Variants in DCC observed in about 807,000 individuals in gnomAD.
DCC encodes the protein netrin receptor DCC.
In DCC, 58 loss-of-function variants were observed where a neutral mutation model predicts 172.5. The ratio of observed to expected loss-of-function variants is 0.34; its 90% CI spans 0.27 to 0.42. The LOEUF is 0.42. DCC is among the 10% of genes least tolerant of loss of function. The probability of loss-of-function intolerance (pLI) is 1.00; values close to 1 mark genes in which losing one functional copy is unlikely to be tolerated. For synonymous variants in DCC, 709 were observed against 644.5 expected, an observed-to-expected ratio of 1.10 and a Z score of -1.52; for missense variants, 1,740 against 1,791.0, an observed-to-expected ratio of 0.97 and a Z score of 0.51.
rs543078607 is a variant in DCC at position 53,104,115 on chromosome 18, G to A, written c.1261+37949G>A. On this transcript the variant is annotated intron_variant, in intron 7 of 28. Transcript: ENST00000442544. ...AATACTGATTTTCCTCTTGCTGCAG[G>A]CTTCAGTGTGGTGCAGCATGGCAGT... Among the ~76,000 whole-genome samples, 3 of 152,088 alleles carry A rather than the reference G, an allele frequency of 2.0e-5. No homozygotes were observed. The South Asian group carries it at 6.2e-4, about 32-fold the overall frequency.
intron 8 of DCC, 137 bp downstream of exon 8, chr18:53,157,649 C>G: frequency 2.4e-6 from 2 of 850,174 alleles, no homozygotes; most frequent in Non-Finnish European, 3.8e-6. Flanking sequence ...TCACTCATTC[C>G]CCAGTGGAGA....
intron 7 of DCC, among the ~76,000 whole-genome samples, chr18:53,080,928 T>C (rs1568290566): frequency 1.3e-5 from 2 of 152,028 alleles, no homozygotes; most frequent in African/African-American, 4.8e-5. Flanking sequence ...GATGGGATGA[T>C]TCCTCCTTGC....
At position 53,152,505 on chromosome 18, in the gene DCC, C is replaced by T. The variant is rs1175926951; in HGVS notation, c.1262-4851C>T. Among the ~76,000 whole-genome samples, 6 of 152,134 alleles carry T rather than the reference C, an allele frequency of 3.9e-5. No homozygotes were observed. In the Middle Eastern group the frequency reaches 0.01, roughly 259 times the overall value. The stretch of plus-strand genomic sequence containing the variant: ...TGGCTTCAAAACTATGAATATTTGG[C>T]TTTTCGTTATCTATAAAAATTATCA... On this transcript the variant is annotated intron_variant, in intron 7 of 28. Coordinates refer to ENST00000442544, the MANE Select transcript of DCC (RefSeq NM_005215.4).
chr18:53,179,597 TGA>T (rs1382860897), intron 9 of DCC, among the ~76,000 whole-genome samples: 2 of 152,192 alleles, frequency 1.3e-5, no homozygotes, highest in African/African-American at 4.8e-5. Context: ...TTGAGGAATA[TGA>T]GAGATAACCT....
chr18:52,433,474 T>A (rs1378136540), intron 1 of DCC, among the ~76,000 whole-genome samples: 1 of 152,132 alleles, frequency 6.6e-6, no homozygotes, highest in Non-Finnish European at 1.5e-5. Context: ...TTATAATACA[T>A]CAAGTCCAAT....
chr18:53,145,996 G>T (rs1401139920), intron 7 of DCC, among the ~76,000 whole-genome samples: 3 of 152,136 alleles, frequency 2.0e-5, no homozygotes, highest in Non-Finnish European at 4.4e-5. Context: ...CACTTTGGGA[G>T]GCTGAGATGG....
chr18:53,142,409 C>T (rs531462643), intron 7 of DCC, among the ~76,000 whole-genome samples: 33 of 152,284 alleles, frequency 2.2e-4, no homozygotes, highest in Admixed American at 1.4e-3. Flanking sequence ...TAAAACTTAA[C>T]ACTGTCGTTG....
chr18:53,417,122 C>A (rs988060494), intron 21 of DCC, among the ~76,000 whole-genome samples: 15 of 152,272 alleles, frequency 9.9e-5, no homozygotes, highest in Middle Eastern at 3.4e-3. Context: ...GGCACCATGT[C>A]GTGAGATTAG....
chr18:53,509,735 C>T (rs1346758363), intron 27 of DCC, among the ~76,000 whole-genome samples: 3 of 152,140 alleles, frequency 2.0e-5, no homozygotes, highest in African/African-American at 7.2e-5. Flanking sequence ...AGGTTAAGAA[C>T]CACTTGACCT....
intron 5 of DCC, among the ~76,000 whole-genome samples, chr18:53,046,390 T>C (rs1225845644): frequency 6.6e-6 from 1 of 151,772 alleles, no homozygotes; most frequent in Non-Finnish European, 1.5e-5. Context: ...ATCTATTCTT[T>C]CAAGATCAAC....
At chr18:52,627,150 C>A (rs1411217358) in intron 1 of DCC, among the ~76,000 whole-genome samples, 1 of 152,158 alleles carries the variant, frequency 6.6e-6, no homozygotes, top group African/African-American at 2.4e-5. Flanking sequence ...TCAAGTAGAG[C>A]CCCAGTTATT....
intron 2 of DCC, among the ~76,000 whole-genome samples, chr18:52,899,954 A>G (rs2145436502): frequency 6.6e-6 from 1 of 152,340 alleles, no homozygotes; most frequent in South Asian, 2.1e-4. Context: ...GCCATACACC[A>G]TGCTAAGTGC....
chr18:52,861,610 A>G (rs2039143400), intron 2 of DCC, among the ~76,000 whole-genome samples: 1 of 152,192 alleles, frequency 6.6e-6, no homozygotes, highest in South Asian at 2.1e-4. Flanking sequence ...ATAATTCTTG[A>G]CTCTGGAAAA....
chr18:52,927,652 A>G (rs1357318074), intron 5 of DCC, among the ~76,000 whole-genome samples: 1 of 152,098 alleles, frequency 6.6e-6, no homozygotes, highest in Non-Finnish European at 1.5e-5. Flanking sequence ...TAAGCATCCA[A>G]AAAATGCTCC....
At chr18:52,555,548 T>C (rs986042303) in intron 1 of DCC, among the ~76,000 whole-genome samples, 1 of 152,092 alleles carries the variant, frequency 6.6e-6, no homozygotes, top group African/African-American at 2.4e-5. Flanking sequence ...TTCACTTCTG[T>C]TTTGCACATC....
intron 1 of DCC, among the ~76,000 whole-genome samples, chr18:52,654,307 G>C (rs982018411): frequency 6.6e-6 from 1 of 152,114 alleles, no homozygotes; most frequent in South Asian, 2.1e-4. Flanking sequence ...CTTAGTGATC[G>C]CTGGAACCAC....
chr18:53,062,900 C>T lies in DCC; in HGVS notation c.986-405C>T, dbSNP rs559941826. Among the ~76,000 whole-genome samples, 26 of 152,222 alleles carry T rather than the reference C, an allele frequency of 1.7e-4. No individual in the cohort carries two copies. In the South Asian group the frequency reaches 5.4e-3, roughly 32 times the overall value. ...TAGAATTACAGGACAACTGAGCTTT[C>T]TTATCTTATCCTCTGGGTTGTCTCA... On this transcript the variant is annotated intron_variant, in intron 5 of 28. Coordinates refer to ENST00000442544, the MANE Select transcript of DCC (RefSeq NM_005215.4).
At chr18:52,433,755 A>G (rs774753278) in intron 1 of DCC, among the ~76,000 whole-genome samples, 6 of 152,214 alleles carry the variant, frequency 3.9e-5, no homozygotes, top group Non-Finnish European at 4.4e-5. Context: ...TTTGTTATCA[A>G]TAATAATTAA....
intron 1 of DCC, among the ~76,000 whole-genome samples, chr18:52,530,180 C>T (rs1026074048): frequency 2.0e-5 from 3 of 152,148 alleles, no homozygotes; most frequent in South Asian, 2.1e-4. Context: ...CATTCTTGCA[C>T]CAACTCTATT....
Sources: allele counts gnomAD v4.1 joint callset (sites outside exome capture counted in the v4.1 genomes callset), GRCh38; gene constraint gnomAD v4.1.1; transcripts MANE v1.5; gene names NCBI Gene and HGNC (gene_info 2026-07-23, HGNC 2026-07-21).